PLD5: variants seen among roughly 807,000 people sequenced by gnomAD.
The protein encoded by PLD5 is inactive phospholipase D5.
PLD5 carries 36 observed loss-of-function variants against 61.1 expected under a neutral mutation model. That is an observed-to-expected ratio of 0.59 (90% CI 0.45 to 0.78). The LOEUF (loss-of-function observed/expected upper bound fraction) is 0.78, where lower values mean the gene tolerates loss of function less well. PLD5 is among the 30% of genes least tolerant of loss of function. The pLI, the probability that PLD5 is intolerant of heterozygous loss-of-function variation, is 0.00. For missense variants in PLD5, 515 were observed against 644.4 expected, an observed-to-expected ratio of 0.80 and a Z score of 2.17; for synonymous variants, 243 against 242.8, an observed-to-expected ratio of 1.00 and a Z score of -0.01.
intron 1 of PLD5, among the ~76,000 whole-genome samples, chr1:242,415,505 A>T (rs1333892793): frequency 6.9e-6 from 1 of 144,032 alleles, no homozygotes; most frequent in Non-Finnish European, 1.5e-5. Context: ...AGAATAAGCC[A>T]TAAAGATTTT....
intron 4 of PLD5, among the ~76,000 whole-genome samples, chr1:242,231,913 G>A (rs1284078153): frequency 6.8e-6 from 1 of 148,106 alleles, no homozygotes; most frequent in Non-Finnish European, 1.5e-5. Flanking sequence ...CTCAGAGGGA[G>A]TAAAAGGGAT....
chr1:242,334,143 T>C (rs1184768924), intron 2 of PLD5, among the ~76,000 whole-genome samples: 3 of 152,126 alleles, frequency 2.0e-5, no homozygotes, highest in African/African-American at 7.2e-5. Context: ...GGAAAAAGTT[T>C]CAAGGTGGGG....
chr1:242,207,902 A>ATATTTATTTATATATATT, intron 5 of PLD5, among the ~76,000 whole-genome samples: 1 of 21,078 alleles, frequency 4.7e-5, no homozygotes, highest in East Asian at 1.1e-3. Flanking sequence ...ATATTTATAT[A>ATATTTATTTATATATATT]TTTATATATA....
intron 1 of PLD5, among the ~76,000 whole-genome samples, chr1:242,401,495 C>T (rs1235519637): frequency 6.6e-6 from 1 of 152,116 alleles, no homozygotes; most frequent in Non-Finnish European, 1.5e-5. Flanking sequence ...TGAGGGCCGC[C>T]GGGACCCCAC....
At chr1:242,522,411 T>C (rs1215358145) in intron 1 of PLD5, among the ~76,000 whole-genome samples, 2 of 152,186 alleles carry the variant, frequency 1.3e-5, no homozygotes, top group Non-Finnish European at 2.9e-5. Flanking sequence ...ATACTTTCAA[T>C]GAAAATCTAA....
At chr1:242,405,314 A>G (rs1301374783) in intron 1 of PLD5, among the ~76,000 whole-genome samples, 3 of 152,052 alleles carry the variant, frequency 2.0e-5, no homozygotes, top group African/African-American at 7.2e-5. Context: ...CCCTCCAGGG[A>G]CATTTGGCAA....
At chr1:242,225,014 G>T (rs961061712) in intron 4 of PLD5, among the ~76,000 whole-genome samples, 1 of 152,128 alleles carries the variant, frequency 6.6e-6, no homozygotes. Context: ...GATTTTTTGC[G>T]TGTGTGCCTA....
At chr1:242,287,986 C>T (rs1675126326) in intron 3 of PLD5, among the ~76,000 whole-genome samples, 1 of 152,138 alleles carries the variant, frequency 6.6e-6, no homozygotes, top group Admixed American at 6.6e-5. Flanking sequence ...AAATAAATGC[C>T]TCAGCGAGCA....
At chr1:242,268,346 T>C (rs758387368) in intron 3 of PLD5, among the ~76,000 whole-genome samples, 6 of 152,208 alleles carry the variant, frequency 3.9e-5, no homozygotes, top group Admixed American at 1.3e-4. Context: ...CCAGTATTTT[T>C]TGGCAAATTC....
intron 6 of PLD5, among the ~76,000 whole-genome samples, chr1:242,114,727 T>TATGAGATTGTAATGCCTG (rs1661808183): frequency 6.6e-6 from 1 of 152,080 alleles, no homozygotes; most frequent in African/African-American, 2.4e-5. Context: ...GTGATCGCCT[T>TATGAGATTGTAATGCCTG]ATGAGATTGT....
At chr1:242,233,977 T>A (rs766700186) in intron 4 of PLD5, among the ~76,000 whole-genome samples, 2 of 152,186 alleles carry the variant, frequency 1.3e-5, no homozygotes, top group Non-Finnish European at 1.5e-5. Flanking sequence ...TAAATTAAAC[T>A]GTAAAGATGG....
chr1:242,423,914 A>G (rs1665279869), intron 1 of PLD5, among the ~76,000 whole-genome samples: 2 of 152,186 alleles, frequency 1.3e-5, no homozygotes, highest in South Asian at 4.1e-4. Flanking sequence ...TACTGCCATC[A>G]TTGTCTGATA....
chr1:242,247,053 G>A (rs960207890), intron 4 of PLD5, among the ~76,000 whole-genome samples: 8 of 148,744 alleles, frequency 5.4e-5, no homozygotes, highest in Middle Eastern at 3.6e-3. Flanking sequence ...GCGCGATCTC[G>A]ACTCACTGCA....
chr1:242,332,815 T>C (rs1263104035), intron 2 of PLD5, among the ~76,000 whole-genome samples: 1 of 152,170 alleles, frequency 6.6e-6, no homozygotes. Flanking sequence ...AAAATAAGAC[T>C]CTTACAAAAA....
chr1:242,130,508 T>C (rs1558252919), intron 5 of PLD5, among the ~76,000 whole-genome samples: 1 of 152,206 alleles, frequency 6.6e-6, no homozygotes, highest in African/African-American at 2.4e-5. Flanking sequence ...TATTTTTAGT[T>C]CTTCGAGAAA....
At chr1:242,310,366 T>C (rs1676629316) in intron 2 of PLD5, among the ~76,000 whole-genome samples, 1 of 152,184 alleles carries the variant, frequency 6.6e-6, no homozygotes, top group Non-Finnish European at 1.5e-5. Flanking sequence ...TTCTTTTATT[T>C]CTTTTCTAGC....
In PLD5 at chr1:242,100,756, A is replaced by C. The variant is rs748950079; in HGVS notation, c.1266T>G (p.Asn422Lys). Reference sequence around the variant, plus strand: ...TCTTTTGTTCTTTTGTAGCACAAGCATTCTCTCTTTCCAGATCAAAAAATT... The same window carrying C: ...TCTTTTGTTCTTTTGTAGCACAAGCCTTCTCTCTTTCCAGATCAAAAAATT... ...KVKFFDLERE[N>K]ACATKEQKNH... Residue 422 changes from asparagine to lysine, a missense_variant, in exon 9 of 10, where the codon AAT becomes AAG. Around this residue, in one of 2 missense-constraint regions of PLD5, gnomAD observed 450 missense variants for 598.1 expected, o/e 0.75. Coordinates refer to ENST00000536534, the MANE Select transcript of PLD5 (RefSeq NM_001372062.1). 3.1e-6 allele frequency: 5 copies of C among 1,613,924 alleles called. No individual in the cohort carries two copies. Among genetic ancestry groups the C allele is most frequent in the Non-Finnish European group, 4.2e-6 (5 of 1,179,894 alleles).
intron 1 of PLD5, among the ~76,000 whole-genome samples, chr1:242,476,130 G>A (rs567814699): frequency 1.8e-4 from 28 of 152,280 alleles, no homozygotes; most frequent in African/African-American, 4.6e-4. Context: ...CAAGGCGAGC[G>A]GATCACCTGA....
intron 1 of PLD5, among the ~76,000 whole-genome samples, chr1:242,409,071 AAAAAGAAAAGAAAAG>A (rs200017260): frequency 1.4e-5 from 2 of 140,376 alleles, no homozygotes; most frequent in Non-Finnish European, 3.0e-5. Context: ...CTCTCAAAAA[AAAAAGAAAAGAAAAG>A]AAAAGAAAAG....
Sources: allele counts gnomAD v4.1 joint callset (sites outside exome capture counted in the v4.1 genomes callset), GRCh38; gene constraint gnomAD v4.1.1; regional missense constraint gnomAD v4.1.1; transcripts MANE v1.5; gene names NCBI Gene and HGNC (gene_info 2026-07-23, HGNC 2026-07-21).